MACROD2: variants seen among roughly 807,000 people sequenced by gnomAD.
MACROD2 encodes the protein ADP-ribose glycohydrolase MACROD2.
MACROD2 carries 36 observed loss-of-function variants against 70.4 expected under a neutral mutation model. The observed-to-expected ratio is 0.51, with a 90% CI of 0.39 to 0.68. MACROD2 has a LOEUF of 0.68. Among genes scored for constraint, MACROD2 ranks in the 30% least tolerant of loss-of-function variants. The probability of loss-of-function intolerance (pLI) is 0.00; values close to 1 mark genes in which losing one functional copy is unlikely to be tolerated. For synonymous variants in MACROD2, 172 were observed against 178.8 expected, an observed-to-expected ratio of 0.96 and a Z score of 0.30; for missense variants, 496 against 538.4, an observed-to-expected ratio of 0.92 and a Z score of 0.78.
intron 3 of MACROD2, among the ~76,000 whole-genome samples, chr20:14,481,295 C>A (rs955857793): frequency 1.3e-5 from 2 of 152,074 alleles, no homozygotes; most frequent in Admixed American, 1.3e-4. Flanking sequence ...TTTAATTGTT[C>A]ATATTACCTG....
intron 3 of MACROD2, among the ~76,000 whole-genome samples, chr20:14,345,202 T>G (rs1052555552): frequency 1.3e-5 from 2 of 152,220 alleles, no homozygotes; most frequent in African/African-American, 4.8e-5. Context: ...TTTAAGTGCA[T>G]TAGTTAATGG....
chr20:14,116,652 A>G (rs1206895202), intron 3 of MACROD2, among the ~76,000 whole-genome samples: 3 of 152,110 alleles, frequency 2.0e-5, no homozygotes, highest in Non-Finnish European at 2.9e-5. Flanking sequence ...CTTCCAGCAG[A>G]CTGTGTTGAT....
intron 5 of MACROD2, among the ~76,000 whole-genome samples, chr20:14,859,312 T>C (rs998882913): frequency 6.6e-6 from 1 of 152,124 alleles, no homozygotes; most frequent in Non-Finnish European, 1.5e-5. Flanking sequence ...GTGTTCTATT[T>C]AAGTGTTAAT....
At chr20:14,120,864 A>C (rs1374579935) in intron 3 of MACROD2, among the ~76,000 whole-genome samples, 1 of 148,274 alleles carries the variant, frequency 6.7e-6, no homozygotes, top group Non-Finnish European at 1.5e-5. Flanking sequence ...CAATGAGAAC[A>C]CATGGCCACC....
rs191711090 is a variant in MACROD2, at chr20:14,846,935, C to G, written c.418+161976C>G. 2.5e-3 allele frequency among the ~76,000 whole-genome samples: 376 copies of G among 152,186 alleles called. 8 individuals carry two copies. The highest frequency in any genetic ancestry group is 6.3e-4 in the Non-Finnish European group (43 of 68,006). On this transcript the variant is annotated intron_variant, in intron 5 of 17. Transcript: ENST00000684519. Reference sequence around the variant, plus strand: ...ATAATTAACAATAATTAAAATTACCCATGCTTGATTTTCTTATTTCAATTT... The same window carrying G: ...ATAATTAACAATAATTAAAATTACCGATGCTTGATTTTCTTATTTCAATTT...
intron 4 of MACROD2, among the ~76,000 whole-genome samples, chr20:14,540,827 T>A (rs940140315): frequency 6.6e-6 from 1 of 152,190 alleles, no homozygotes; most frequent in Admixed American, 6.5e-5. Context: ...TGCTCTACAT[T>A]AGGAGAGGCT....
At chr20:14,598,559 T>C (rs1982287728) in intron 4 of MACROD2, among the ~76,000 whole-genome samples, 1 of 152,230 alleles carries the variant, frequency 6.6e-6, no homozygotes, top group Admixed American at 6.5e-5. Context: ...GCATTCCTAA[T>C]CCTTCATATT....
At chr20:15,364,990 A>T (rs2045387431) in intron 6 of MACROD2, among the ~76,000 whole-genome samples, 1 of 152,246 alleles carries the variant, frequency 6.6e-6, no homozygotes, top group African/African-American at 2.4e-5. Flanking sequence ...ATTTGTTCAC[A>T]GCTGTTTTAC....
chr20:15,193,527 A>G (rs1225531456), intron 5 of MACROD2, among the ~76,000 whole-genome samples: 1 of 152,148 alleles, frequency 6.6e-6, no homozygotes, highest in Non-Finnish European at 1.5e-5. Context: ...ACACACCTGT[A>G]GTCCCAGCTA....
chr20:15,916,827 C>T (rs1568638377), intron 10 of MACROD2, among the ~76,000 whole-genome samples: 1 of 152,200 alleles, frequency 6.6e-6, no homozygotes, highest in African/African-American at 2.4e-5. Flanking sequence ...AGGGTAATCA[C>T]TCCGCAATGA....
At chr20:15,234,994 A>T (rs1406650495) in intron 6 of MACROD2, among the ~76,000 whole-genome samples, 1 of 152,190 alleles carries the variant, frequency 6.6e-6, no homozygotes, top group Non-Finnish European at 1.5e-5. Context: ...ATTTTTAAAA[A>T]ACTAATCCAT....
chr20:15,865,741 G>T (rs2064483782), intron 9 of MACROD2, among the ~76,000 whole-genome samples: 1 of 152,192 alleles, frequency 6.6e-6, no homozygotes, highest in Non-Finnish European at 1.5e-5. Context: ...TCCCAGACAG[G>T]TGAGGGATGC....
chr20:14,188,992 A>C (rs1253404145), intron 3 of MACROD2, among the ~76,000 whole-genome samples: 1 of 152,106 alleles, frequency 6.6e-6, no homozygotes, highest in East Asian at 1.9e-4. Flanking sequence ...TTGTGCATTC[A>C]TCTTTTTCTC....
At chr20:14,238,186 AAAGCT>A (rs1460662902) in intron 3 of MACROD2, among the ~76,000 whole-genome samples, 1 of 152,160 alleles carries the variant, frequency 6.6e-6, no homozygotes, top group Admixed American at 6.6e-5. Flanking sequence ...TCCTATTTCA[AAAGCT>A]AATCCACCAC....
In MACROD2 at chr20:14,186,997, A is replaced by T. The variant is rs565346749; in HGVS notation, c.271+101269A>T. Among the ~76,000 whole-genome samples, 19 of 152,258 alleles carry T rather than the reference A, an allele frequency of 1.2e-4. No individual in the cohort carries two copies. In the East Asian group the frequency reaches 3.7e-3, roughly 29 times the overall value. ...AGGCAAGCATTGAAAAACTACCGGA[A>T]GGGTACTGTGTTTACCACCTGGGTG... On this transcript the variant is annotated intron_variant, in intron 3 of 17. Coordinates refer to ENST00000684519, the MANE Select transcript of MACROD2 (RefSeq NM_001351661.2).
intron 4 of MACROD2, among the ~76,000 whole-genome samples, chr20:14,623,229 T>C (rs1214537535): frequency 6.6e-6 from 1 of 152,140 alleles, no homozygotes; most frequent in East Asian, 1.9e-4. Context: ...GGCTGATATC[T>C]AGGGTCAATT....
At chr20:15,996,521 C>T (rs1007978310) in intron 15 of MACROD2, among the ~76,000 whole-genome samples, 2 of 152,048 alleles carry the variant, frequency 1.3e-5, no homozygotes, top group African/African-American at 4.8e-5. Context: ...TCAAACTCTT[C>T]ATTGATTTTT....
intron 10 of MACROD2, among the ~76,000 whole-genome samples, chr20:15,919,138 AAAAG>A (rs1348748526): frequency 2.0e-5 from 3 of 152,348 alleles, no homozygotes; most frequent in African/African-American, 7.2e-5. Context: ...TTATCCAAAA[AAAAG>A]AACATTTGAT....
chr20:14,556,998 A>G (rs567827568), intron 4 of MACROD2, among the ~76,000 whole-genome samples: 2 of 152,128 alleles, frequency 1.3e-5, no homozygotes, highest in South Asian at 4.1e-4. Flanking sequence ...GGTAATGAAG[A>G]CAACATGGGG....
Sources: gnomAD v4.1 joint callset for allele counts (sites outside exome capture counted in the v4.1 genomes callset) on GRCh38, gnomAD v4.1.1 for gene constraint, MANE v1.5 for transcripts, NCBI Gene and HGNC (gene_info 2026-07-23, HGNC 2026-07-21) for gene names.